PLD5: variants seen among roughly 807,000 people sequenced by gnomAD.
The protein encoded by PLD5 is inactive phospholipase D5.
PLD5 carries 36 observed loss-of-function variants against 61.1 expected under a neutral mutation model. The observed-to-expected ratio is 0.59, with a 90% confidence interval of 0.45 to 0.78. The LOEUF is 0.78. Among genes scored for constraint, PLD5 ranks in the 30% least tolerant of loss-of-function variants. The pLI is 0.00. For synonymous variants in PLD5, 243 were observed against 242.8 expected, an observed-to-expected ratio of 1.00 and a Z score of -0.01; for missense variants, 515 against 644.4, an observed-to-expected ratio of 0.80 and a Z score of 2.17.
Position 242,491,987 on chromosome 1 carries a change from A to G in PLD5, c.189+32101T>C, listed in dbSNP as rs1024262971. Reference sequence around the variant, plus strand: ...ATCACAGGCTTGAAATTCACAATCCATCTCTTTGGCTAGTCACAATCTTTT... The same window carrying G: ...ATCACAGGCTTGAAATTCACAATCCGTCTCTTTGGCTAGTCACAATCTTTT... On this transcript the variant is annotated intron_variant, in intron 1 of 9. Coordinates refer to ENST00000536534, the MANE Select transcript of PLD5 (RefSeq NM_001372062.1). 2.0e-5 allele frequency among the ~76,000 whole-genome samples: 3 copies of G among 152,188 alleles called. No homozygotes were observed. In the East Asian group the frequency reaches 5.8e-4, roughly 29 times the overall value.
chr1:242,358,629 C>T (rs1490684317), intron 1 of PLD5, among the ~76,000 whole-genome samples: 1 of 151,416 alleles, frequency 6.6e-6, no homozygotes, highest in African/African-American at 2.4e-5. Flanking sequence ...GGCTGGGCTA[C>T]AGAGTATATT....
At chr1:242,389,746 A>G (rs1662814989) in intron 1 of PLD5, among the ~76,000 whole-genome samples, 1 of 152,146 alleles carries the variant, frequency 6.6e-6, no homozygotes, top group Middle Eastern at 3.4e-3. Flanking sequence ...CAGACTTAGG[A>G]TTCATGAGGG....
intron 2 of PLD5, among the ~76,000 whole-genome samples, chr1:242,327,359 G>A (rs1229115998): frequency 6.6e-6 from 1 of 152,044 alleles, no homozygotes; most frequent in Admixed American, 6.5e-5. Context: ...TAGCTCATTT[G>A]GTGGATTCCT....
At chr1:242,189,558 A>C in intron 5 of PLD5, among the ~76,000 whole-genome samples, 1 of 149,222 alleles carries the variant, frequency 6.7e-6, no homozygotes, top group East Asian at 1.9e-4. Context: ...TCACTGTTCT[A>C]GACACATAGG....
At chr1:242,167,096 A>T (rs1358308367) in intron 5 of PLD5, among the ~76,000 whole-genome samples, 1 of 145,994 alleles carries the variant, frequency 6.8e-6, no homozygotes, top group Non-Finnish European at 1.5e-5. Context: ...AATAATAATA[A>T]TAATAATAAT....
chr1:242,515,492 C>T (rs1187604298), intron 1 of PLD5, among the ~76,000 whole-genome samples: 2 of 152,190 alleles, frequency 1.3e-5, no homozygotes, highest in Admixed American at 1.3e-4. Context: ...GGATTACAGG[C>T]GTGTGCCACC....
intron 1 of PLD5, among the ~76,000 whole-genome samples, chr1:242,385,392 T>G (rs2149259585): frequency 6.6e-6 from 1 of 152,300 alleles, no homozygotes; most frequent in South Asian, 2.1e-4. Context: ...TACCATTATC[T>G]CAAGTACATG....
chr1:242,212,090 T>C (rs968921102), intron 5 of PLD5, among the ~76,000 whole-genome samples: 2 of 152,188 alleles, frequency 1.3e-5, no homozygotes, highest in East Asian at 3.9e-4. Flanking sequence ...GGCTCCATTA[T>C]ACACAGAAGA....
chr1:242,503,792 A>G (rs1451673373), intron 1 of PLD5, among the ~76,000 whole-genome samples: 1 of 152,118 alleles, frequency 6.6e-6, no homozygotes, highest in African/African-American at 2.4e-5. Flanking sequence ...TTTTTTTTAA[A>G]TGAGGATATG....
intron 3 of PLD5, among the ~76,000 whole-genome samples, chr1:242,275,267 TATATTCA>T (rs1258100841): frequency 5.9e-5 from 9 of 152,078 alleles, no homozygotes; most frequent in South Asian, 4.1e-4. Context: ...TATATGAATA[TATATTCA>T]TATTCATATA....
At chr1:242,201,185 C>T (rs1318277765) in intron 5 of PLD5, among the ~76,000 whole-genome samples, 1 of 152,124 alleles carries the variant, frequency 6.6e-6, no homozygotes, top group Non-Finnish European at 1.5e-5. Flanking sequence ...GGAATTAAAG[C>T]TCCAGAAGAG....
chr1:242,093,919 C>T (rs6670269), intron 9 of PLD5, among the ~76,000 whole-genome samples: 3,344 of 152,036 alleles, frequency 0.022, 126 homozygotes, highest in African/African-American at 0.074. Flanking sequence ...GAGCCAAGAT[C>T]CAGCATCTTT....
At chr1:242,331,163 C>T (rs1659145923) in intron 2 of PLD5, among the ~76,000 whole-genome samples, 2 of 152,150 alleles carry the variant, frequency 1.3e-5, no homozygotes, top group East Asian at 3.9e-4. Flanking sequence ...GCCAGAAATG[C>T]AAATATGAAT....
intron 2 of PLD5, among the ~76,000 whole-genome samples, chr1:242,332,222 C>A (rs761161435): frequency 1.3e-5 from 2 of 152,090 alleles, no homozygotes; most frequent in African/African-American, 4.8e-5. Context: ...GAACTCATCC[C>A]TTTTTATGGC....
chr1:242,109,621 A>T (rs1426162750), intron 7 of PLD5, among the ~76,000 whole-genome samples: 1 of 152,106 alleles, frequency 6.6e-6, no homozygotes, highest in Non-Finnish European at 1.5e-5. Context: ...CCTTACCTTG[A>T]GCTCTTTTTC....
chr1:242,100,653 A>G lies in PLD5; in HGVS notation c.1354+15T>C, dbSNP rs780557875. On this transcript the variant is annotated intron_variant, in intron 9 of 9. Transcript: ENST00000536534. ...GTGACCCCCACCCAAGGAGCTTCAC[A>G]GCCCTGACACCTACCAATATAAGCT... is the stretch of plus-strand genomic sequence containing the variant. 4 of 1,602,704 alleles carry G rather than the reference A, an allele frequency of 2.5e-6. No individual in the cohort carries two copies. In the African/African-American group the frequency reaches 5.4e-5, roughly 21 times the overall value.
At chr1:242,118,113 C>T (rs1662093823) in intron 6 of PLD5, among the ~76,000 whole-genome samples, 1 of 152,116 alleles carries the variant, frequency 6.6e-6, no homozygotes, top group East Asian at 1.9e-4. Flanking sequence ...CAAGTATAGA[C>T]ACTGTGGCCA....
chr1:242,187,422 C>T (rs1667977569), intron 5 of PLD5, among the ~76,000 whole-genome samples: 1 of 152,176 alleles, frequency 6.6e-6, no homozygotes, highest in African/African-American at 2.4e-5. Flanking sequence ...AACAACCAAA[C>T]TGATATAATT....
In PLD5 at chr1:242,288,528, A is replaced by G; in HGVS notation, c.329T>C (p.Ile110Thr). The change falls in exon 3 of 10, where the codon ATT becomes ACT. Residue 110 changes from isoleucine to threonine, a missense_variant and splice_region_variant. By Grantham distance (89) the Ile-to-Thr change is moderately conservative. Around this residue, in one of 2 missense-constraint regions of PLD5, gnomAD observed 450 missense variants for 598.1 expected, o/e 0.75. Coordinates refer to ENST00000536534, the MANE Select transcript of PLD5 (RefSeq NM_001372062.1). Reference protein sequence around the residue: ...SEKNCQNKCRIALVENIPEGL... With the variant: ...SEKNCQNKCRTALVENIPEGL... Reference sequence around the variant, plus strand: ...TTCAGGAATATTTTCCACCAGGGCAATTCTTAGAAAAGATTTTGAAAAACA... The same window carrying G: ...TTCAGGAATATTTTCCACCAGGGCAGTTCTTAGAAAAGATTTTGAAAAACA... The G allele has an allele frequency of 6.3e-7, 1 of 1,588,106 alleles. No homozygotes were observed. Among genetic ancestry groups the G allele is most frequent in the Non-Finnish European group, 8.5e-7 (1 of 1,170,928 alleles).
Sources: gnomAD v4.1 joint callset for allele counts (sites outside exome capture counted in the v4.1 genomes callset) on GRCh38, gnomAD v4.1.1 for gene constraint, gnomAD v4.1.1 regional missense constraint, MANE v1.5 for transcripts, NCBI Gene and HGNC (gene_info 2026-07-23, HGNC 2026-07-21) for gene names.